Variants in MAGI2 observed in about 807,000 individuals in gnomAD.
MAGI2 encodes membrane-associated guanylate kinase, WW and PDZ domain-containing protein 2.
A neutral mutation model predicts 133.3 loss-of-function variants in MAGI2; 35 were observed. The ratio of observed to expected loss-of-function variants is 0.26; its 90% CI spans 0.20 to 0.35. The LOEUF is 0.35. MAGI2 is among the 10% of genes least tolerant of loss of function. The pLI is 1.00. For synonymous variants in MAGI2, 729 were observed against 710.6 expected (o/e 1.03, Z -0.41); for missense variants, 1,636 against 1,863.4 (o/e 0.88, Z 2.25).
intron 1 of MAGI2, among the ~76,000 whole-genome samples, chr7:79,046,032 A>G (rs186583742): frequency 6.6e-6 from 1 of 152,322 alleles, no homozygotes; most frequent in Admixed American, 6.5e-5. Flanking sequence ...TGAGGGATAC[A>G]CATATACACA....
rs984765424 is a variant in MAGI2 at position 78,120,140 on chromosome 7, T to C, written c.3567+5554A>G. 2.0e-5 allele frequency among the ~76,000 whole-genome samples: 3 copies of C among 152,172 alleles called. No individual in the cohort carries two copies. The East Asian group carries it at 5.8e-4, about 29-fold the overall frequency. On this transcript the variant is annotated intron_variant, in intron 20 of 21. Coordinates refer to ENST00000354212, the MANE Select transcript of MAGI2 (RefSeq NM_012301.4). ...ACAAGTGGCCGGGCACAGTGGCTCA[T>C]GCCTGTAATCCCAGCACTTTGGAAG...
chr7:78,397,035 T>C (rs1262782909), intron 6 of MAGI2, among the ~76,000 whole-genome samples: 2 of 152,070 alleles, frequency 1.3e-5, no homozygotes, highest in Admixed American at 6.6e-5. Context: ...GATAACTCTA[T>C]AAAATGGATA....
chr7:78,826,821 A>C (rs1563551358), intron 2 of MAGI2, among the ~76,000 whole-genome samples: 1 of 152,180 alleles, frequency 6.6e-6, no homozygotes, highest in African/African-American at 2.4e-5. Flanking sequence ...ACTAAAGGCA[A>C]TATAGACTAC....
intron 6 of MAGI2, among the ~76,000 whole-genome samples, chr7:78,470,436 C>G (rs1294467334): frequency 1.3e-5 from 2 of 151,942 alleles, no homozygotes; most frequent in Non-Finnish European, 2.9e-5. Context: ...CATTGTTTCT[C>G]CTTTATTTAG....
At chr7:79,067,772 A>G (rs1205845739) in intron 1 of MAGI2, among the ~76,000 whole-genome samples, 3 of 152,214 alleles carry the variant, frequency 2.0e-5, no homozygotes, top group African/African-American at 7.2e-5. Flanking sequence ...ATTTTGAGAT[A>G]CATTCCATCA....
intron 1 of MAGI2, among the ~76,000 whole-genome samples, chr7:79,171,770 A>ATATATATATATATATATATTTTTTTTTT: frequency 6.4e-5 from 2 of 31,216 alleles, no homozygotes; most frequent in African/African-American, 1.3e-4. Flanking sequence ...ATATATATAT[A>ATATATATATATATATATATTTTTTTTTT]TTTTTTTTTT....
chr7:79,224,043 A>G (rs1291325945), intron 1 of MAGI2, among the ~76,000 whole-genome samples: 1 of 152,062 alleles, frequency 6.6e-6, no homozygotes, highest in African/African-American at 2.4e-5. Context: ...ATTGCACAGT[A>G]TTCTTGGCTA....
At chr7:78,546,949 G>T (rs2150689024) in intron 3 of MAGI2, among the ~76,000 whole-genome samples, 1 of 152,256 alleles carries the variant, frequency 6.6e-6, no homozygotes, top group East Asian at 1.9e-4. Flanking sequence ...TACTATTATT[G>T]CCAAGACTTG....
At chr7:78,076,771 G>A (rs1815357655) in intron 21 of MAGI2, among the ~76,000 whole-genome samples, 2 of 147,074 alleles carry the variant, frequency 1.4e-5, no homozygotes, top group African/African-American at 2.5e-5. Flanking sequence ...GCGTGAACCC[G>A]GGAAGCGGAG....
intron 1 of MAGI2, among the ~76,000 whole-genome samples, chr7:79,420,026 T>C (rs1006229059): frequency 2.0e-5 from 3 of 152,038 alleles, no homozygotes; most frequent in South Asian, 2.1e-4. Context: ...CAGTGGGATG[T>C]CTCACTAGAA....
At chr7:79,382,269 C>T (rs1406540900) in intron 1 of MAGI2, among the ~76,000 whole-genome samples, 1 of 151,676 alleles carries the variant, frequency 6.6e-6, no homozygotes, top group Non-Finnish European at 1.5e-5. Flanking sequence ...AGTGGGAATT[C>T]TATTATAGTT....
chr7:78,192,421 T>C lies in MAGI2; in HGVS notation c.2269+2453A>G, dbSNP rs181799519. Among the ~76,000 whole-genome samples the C allele has an allele frequency of 3.5e-3, 530 of 152,306 alleles. 1 individual carries two copies. Among genetic ancestry groups the C allele is most frequent in the Admixed American group, 5.5e-3 (84 of 15,298 alleles). ...AGATGATGAGAAACAGACTGAGCTT[T>C]CCAATCATTAATTAAAATCTTTTTC... On this transcript the variant is annotated intron_variant, in intron 12 of 21. Coordinates refer to ENST00000354212, the MANE Select transcript of MAGI2 (RefSeq NM_012301.4).
At position 78,882,115 on chromosome 7, in the gene MAGI2, A is replaced by AAAAAAAAAAAAAAAAG. The variant is rs1795918606; in HGVS notation, c.418+124974_418+124975insCTTTTTTTTTTTTTTT. Among the ~76,000 whole-genome samples the AAAAAAAAAAAAAAAAG allele has an allele frequency of 1.4e-4, 13 of 93,720 alleles. 2 individuals are homozygous for AAAAAAAAAAAAAAAAG. Among genetic ancestry groups the AAAAAAAAAAAAAAAAG allele is most frequent in the South Asian group, 1.4e-3 (2 of 1,452 alleles). 61.5% of individuals were successfully genotyped at this position (93,720 alleles called of 152,430 possible). A position where few individuals can be genotyped will look rare whatever the true frequency, so the allele number is the denominator to read the frequency against. ...AAAAAAAAAAAAAAAAAAAGAAAAG[A>AAAAAAAAAAAAAAAAG]AAAACAAAAAAAAAAGAGAGAGAGA... On this transcript the variant is annotated intron_variant, in intron 2 of 21. Transcript: ENST00000354212.
chr7:78,139,025 T>C (rs984208439), intron 16 of MAGI2, among the ~76,000 whole-genome samples: 1 of 152,206 alleles, frequency 6.6e-6, no homozygotes, highest in Admixed American at 6.5e-5. Context: ...CTCATGGTAA[T>C]AACTTAGTTT....
intron 9 of MAGI2, among the ~76,000 whole-genome samples, chr7:78,327,943 C>T (rs908677042): frequency 1.3e-5 from 2 of 152,100 alleles, no homozygotes; most frequent in African/African-American, 4.8e-5. Context: ...AATAATGCCA[C>T]TCCACACATC....
chr7:79,200,668 T>C (rs1262458419), intron 1 of MAGI2, among the ~76,000 whole-genome samples: 3 of 151,736 alleles, frequency 2.0e-5, no homozygotes, highest in Non-Finnish European at 2.9e-5. Flanking sequence ...CTTCACAGTC[T>C]TGTGAAAGTG....
chr7:79,436,846 G>T (rs1848176779), intron 1 of MAGI2, among the ~76,000 whole-genome samples: 1 of 152,042 alleles, frequency 6.6e-6, no homozygotes, highest in African/African-American at 2.4e-5. Flanking sequence ...CCATTACTGG[G>T]TATATACCTA....
chr7:78,998,288 A>G (rs1159322016), intron 2 of MAGI2, among the ~76,000 whole-genome samples: 2 of 152,208 alleles, frequency 1.3e-5, no homozygotes, highest in African/African-American at 4.8e-5. Context: ...AGGACATTCC[A>G]TACTCAGAAT....
intron 15 of MAGI2, among the ~76,000 whole-genome samples, chr7:78,161,684 A>G (rs911509404): frequency 3.4e-5 from 5 of 146,042 alleles, no homozygotes; most frequent in African/African-American, 1.0e-4. Context: ...AAAAAAAAAA[A>G]AAAGAAAAAA....
Sources: gnomAD v4.1 joint callset for allele counts (sites outside exome capture counted in the v4.1 genomes callset) on GRCh38, gnomAD v4.1.1 for gene constraint, MANE v1.5 for transcripts, NCBI Gene and HGNC (gene_info 2026-07-23, HGNC 2026-07-21) for gene names.